The following KASH5 variants were observed in gnomAD, a reference collection of about 807,000 sequenced individuals.
KASH5 encodes the protein KASH domain containing 5.
A neutral mutation model predicts 84.2 loss-of-function variants in KASH5; 72 were observed. The observed-to-expected ratio is 0.85, with a 90% confidence interval of 0.71 to 1.04. KASH5 has a LOEUF of 1.04. Ranked by LOEUF, KASH5 falls within the 50% of genes least tolerant of loss-of-function variation. The pLI, the probability that KASH5 is intolerant of heterozygous loss-of-function variation, is 0.00. For synonymous variants in KASH5, 260 were observed against 279.1 expected, an observed-to-expected ratio of 0.93 and a Z score of 0.68; for missense variants, 650 against 701.0, an observed-to-expected ratio of 0.93 and a Z score of 0.82.
intron 9 of KASH5, among the ~76,000 whole-genome samples, chr19:49,402,731 A>G (rs2122159507): frequency 1.3e-5 from 2 of 152,060 alleles, no homozygotes; most frequent in South Asian, 2.1e-4. Flanking sequence ...AAAATGAAAA[A>G]CTTTCCCTGA....
intron 17 of KASH5, chr19:49,415,286 A>G (rs1479964544): frequency 1.2e-5 from 6 of 508,952 alleles, no homozygotes; most frequent in Admixed American, 9.9e-5. Flanking sequence ...ACGTGGCTAC[A>G]CCCCCGGATT....
In KASH5 at chr19:49,412,796, C is replaced by G. The variant is rs77895081; in HGVS notation, c.1270-172C>G. 0.036 allele frequency among the ~76,000 whole-genome samples: 5,533 copies of G among 152,242 alleles called. 283 individuals are homozygous for G. The highest frequency in any genetic ancestry group is 0.11 in the African/African-American group (4,741 of 41,526). On this transcript the variant is annotated intron_variant, in intron 15 of 19. Coordinates refer to ENST00000447857, the MANE Select transcript of KASH5 (RefSeq NM_144688.5). This position sits in a 1 kb window ranked among gnomAD's most constrained non-coding sequence, Gnocchi z 4.6. ...CTAATAGGGCCATCCTCATGTAGGGCAGCACGAGAGGAGGGCAGGTTGTAG... is the reference window on the plus strand; with the variant it reads ...CTAATAGGGCCATCCTCATGTAGGGGAGCACGAGAGGAGGGCAGGTTGTAG...
rs1034098374 is a variant in KASH5 at position 49,395,516 on chromosome 19, A to G, written c.335+224A>G. The stretch of plus-strand genomic sequence containing the variant: ...GAGGGGGTCTGGGAGACAGAAATAA[A>G]ATGGGGCTGGAGAAGGGAGGAGTTT... On this transcript the variant is annotated intron_variant, in intron 4 of 19. Coordinates refer to ENST00000447857, the MANE Select transcript of KASH5 (RefSeq NM_144688.5). This position sits in a 1 kb window ranked among gnomAD's most constrained non-coding sequence, Gnocchi z 4.4. Among the ~76,000 whole-genome samples the G allele has an allele frequency of 6.6e-5, 10 of 152,152 alleles. No individual in the cohort carries two copies. Among genetic ancestry groups the G allele is most frequent in the African/African-American group, 2.2e-4 (9 of 41,418 alleles).
At chr19:49,410,921 CTTTT>C (rs1014279829) in intron 15 of KASH5, among the ~76,000 whole-genome samples, 1 of 143,886 alleles carries the variant, frequency 6.9e-6, no homozygotes, top group African/African-American at 2.5e-5. Flanking sequence ...CTGCACCTGG[CTTTT>C]TTTTTTTTAA....
At chr19:49,397,936 A>T in intron 6 of KASH5, 46 bp from the exon 7 acceptor site, 1 of 1,589,230 alleles carries the variant, frequency 6.3e-7, no homozygotes, top group Non-Finnish European at 8.6e-7. Flanking sequence ...CGGGGAAATG[A>T]GTCAGGGGCT....
Position 49,416,005 on chromosome 19 carries a change from G to A in KASH5, c.1374+1009G>A, listed in dbSNP as rs1974893183. On this transcript the variant is annotated intron_variant, in intron 17 of 19. Coordinates refer to ENST00000447857, the MANE Select transcript of KASH5 (RefSeq NM_144688.5). The surrounding 1 kb of genome is among the most constrained non-coding windows in gnomAD (Gnocchi z 5.4). Reference sequence around the variant, plus strand: ...GGGATGAGGCGGTGCAGTGGGTGGGGCCTGGCCCTGGAGGAACAGCTGGGG... The same window carrying A: ...GGGATGAGGCGGTGCAGTGGGTGGGACCTGGCCCTGGAGGAACAGCTGGGG... 6.6e-6 allele frequency among the ~76,000 whole-genome samples: 1 copy of A among 152,206 alleles called. No homozygotes were observed. The highest frequency in any genetic ancestry group is 2.1e-4 in the South Asian group (1 of 4,830).
At chr19:49,396,315 C>T (rs958842000) in intron 5 of KASH5, among the ~76,000 whole-genome samples, 15 of 145,270 alleles carry the variant, frequency 1.0e-4, no homozygotes, top group Admixed American at 2.9e-4. Flanking sequence ...TGTGCAATGG[C>T]GCAATCTCAG....
At chr19:49,394,994 G>A (rs565312655) in intron 3 of KASH5, 112 bp from the exon 4 acceptor site, 141 of 793,794 alleles carry the variant, frequency 1.8e-4, no homozygotes, top group East Asian at 8.5e-4. Context: ...CTGGGCCATG[G>A]AGCAGGAGTG....
rs773234684 is a variant in KASH5 at position 49,406,908 on chromosome 19, G to T, written c.821G>T (p.Arg274Leu). 106 of 1,606,254 alleles carry T rather than the reference G, an allele frequency of 6.6e-5. No homozygotes were observed. Among genetic ancestry groups the T allele is most frequent in the Non-Finnish European group, 8.9e-5 (105 of 1,176,356 alleles). The change falls in exon 10 of 20, where the codon CGG becomes CTG. Residue 274 changes from arginine to leucine, a missense_variant. By Grantham distance (102) the Arg-to-Leu change is moderately radical. Transcript: ENST00000447857. ...TAGAACGGGAAGCTGCTTGCCGAGC[G>T]GGATGGAGTGAAAAAGAGAAGTCAG... ...QEENGKLLAE[R>L]DGVKKRSQEL...
chr19:49,403,173 T>C lies in KASH5; in HGVS notation c.798+3666T>C, dbSNP rs145621711. ...GAGATCGAGACTATCCTGGCTAACA[T>C]GGTGAAACCCCCGTCTCTACTAAAA... On this transcript the variant is annotated intron_variant, in intron 9 of 19. Coordinates refer to ENST00000447857, the MANE Select transcript of KASH5 (RefSeq NM_144688.5). Among the ~76,000 whole-genome samples the C allele has an allele frequency of 7.2e-3, 1,098 of 152,202 alleles. 20 individuals are homozygous for C. The highest frequency in any genetic ancestry group is 0.041 in the Middle Eastern group (12 of 294).
intron 9 of KASH5, among the ~76,000 whole-genome samples, chr19:49,400,716 A>T (rs1033765097): frequency 6.6e-6 from 1 of 152,166 alleles, no homozygotes; most frequent in Non-Finnish European, 1.5e-5. Context: ...AACTGGAAGA[A>T]GGGTATCTGT....
intron 16 of KASH5, among the ~76,000 whole-genome samples, chr19:49,413,709 C>T (rs1185392092): frequency 2.0e-5 from 3 of 152,058 alleles, no homozygotes; most frequent in African/African-American, 7.2e-5. Flanking sequence ...AGGTGCCATG[C>T]GAGTTTCCAG....
intron 9 of KASH5, among the ~76,000 whole-genome samples, chr19:49,401,721 A>G (rs1403465655): frequency 6.6e-6 from 1 of 152,144 alleles, no homozygotes; most frequent in East Asian, 1.9e-4. Context: ...CCCAGCTCTA[A>G]GGATCTCTGC....
rs768337290 is a variant in KASH5, at chr19:49,390,834, G to A, written c.-50G>A. On this transcript the variant is annotated 5_prime_UTR_variant, in exon 2 of 20. Coordinates refer to ENST00000447857, the MANE Select transcript of KASH5 (RefSeq NM_144688.5). ...CCTTTTCCCATCCCTCCCCATGAAG[G>A]AGGGAGGCTGGTAGCTTTGCCAGCA... The A allele has an allele frequency of 2.6e-6, 4 of 1,566,808 alleles. No homozygotes were observed. Among genetic ancestry groups the A allele is most frequent in the Non-Finnish European group, 2.6e-6 (3 of 1,159,284 alleles).
At position 49,395,818 on chromosome 19, in the gene KASH5, C is replaced by T. The variant is rs559172057; in HGVS notation, c.385C>T (p.Arg129Trp). 3.8e-4 allele frequency: 598 copies of T among 1,564,058 alleles called. 4 individuals carry two copies. The South Asian group carries it at 6.4e-3, about 17-fold the overall frequency. The change falls in exon 5 of 20, where the codon CGG (arginine) becomes TGG (tryptophan). Residue 129 changes from arginine (R) to tryptophan (W), a missense_variant. Physicochemically the swap from Arg to Trp is moderately radical, Grantham distance 101. Coordinates refer to ENST00000447857, the MANE Select transcript of KASH5 (RefSeq NM_144688.5). The surrounding 1 kb of genome is among the most constrained non-coding windows in gnomAD (Gnocchi z 4.4). ...ETAFQGALTS[R>W]QLPSGCPEAE... is the part of the protein sequence containing the mutation. ...CGCCTTCCAGGGAGCCCTGACCTCC[C>T]GGCAACTGCCATCTGGTGAGATTGC... is the stretch of plus-strand genomic sequence containing the variant.
At chr19:49,397,906 C>G in intron 6 of KASH5, 76 bp from the exon 7 acceptor site, 1 of 1,544,776 alleles carries the variant, frequency 6.5e-7, no homozygotes, top group Non-Finnish European at 8.8e-7. Flanking sequence ...ATCTCCCCAC[C>G]ACCAGCACCT....
At position 49,399,534 on chromosome 19, in the gene KASH5, A is replaced by C. The variant is rs1245424227; in HGVS notation, c.798+27A>C. On this transcript the variant is annotated intron_variant, in intron 9 of 19. Transcript: ENST00000447857. The surrounding 1 kb of genome is among the most constrained non-coding windows in gnomAD (Gnocchi z 4.4). ...TGAGCGGAGGCCCAGCACCACCCCC[A>C]CCCCTTCCCCAGTCCTTAAGGTCTT... is the stretch of plus-strand genomic sequence containing the variant. The C allele has an allele frequency of 1.3e-6, 2 of 1,590,814 alleles. No homozygotes were observed. Among genetic ancestry groups the C allele is most frequent in the Non-Finnish European group, 8.6e-7 (1 of 1,168,798 alleles).
At chr19:49,413,459 C>T (rs1468941639) in intron 16 of KASH5, among the ~76,000 whole-genome samples, 1 of 152,204 alleles carries the variant, frequency 6.6e-6, no homozygotes, top group Non-Finnish European at 1.5e-5. Flanking sequence ...CTGGGCCCAC[C>T]CTCCTCCGGG....
intron 17 of KASH5, chr19:49,415,340 G>A (rs1181973528): frequency 2.7e-6 from 1 of 376,052 alleles, no homozygotes; most frequent in East Asian, 6.4e-5. Flanking sequence ...GGAGAGGTTG[G>A]GCCGGCCCTC....
Sources: allele counts gnomAD v4.1 joint callset (sites outside exome capture counted in the v4.1 genomes callset), GRCh38; gene constraint gnomAD v4.1.1; non-coding constraint Gnocchi (gnomAD v3.1); transcripts MANE v1.5; gene names NCBI Gene and HGNC (gene_info 2026-07-23, HGNC 2026-07-21).